NRG3: variants seen among roughly 807,000 people sequenced by gnomAD.
NRG3 encodes pro-neuregulin-3, membrane-bound isoform.
In NRG3, 31 loss-of-function variants were observed where a neutral mutation model predicts 66.9. The ratio of observed to expected loss-of-function variants is 0.46; its 90% confidence interval spans 0.35 to 0.63. The LOEUF is 0.63. NRG3 is among the 20% of genes least tolerant of loss of function. The probability of loss-of-function intolerance (pLI) is 0.00; values close to 1 mark genes in which losing one functional copy is unlikely to be tolerated. For synonymous variants in NRG3, 393 were observed against 359.4 expected (o/e 1.09, Z -1.06); for missense variants, 910 against 878.9 (o/e 1.04, Z -0.45).
chr10:81,924,004 G>A (rs1846522122), intron 1 of NRG3, among the ~76,000 whole-genome samples: 1 of 152,176 alleles, frequency 6.6e-6, no homozygotes, highest in African/African-American at 2.4e-5. Context: ...AATGTTTGTA[G>A]GATGAATGCT....
chr10:81,899,712 G>A (rs1843849594), intron 1 of NRG3, among the ~76,000 whole-genome samples: 1 of 152,180 alleles, frequency 6.6e-6, no homozygotes. Flanking sequence ...TGAAGGGCCT[G>A]GCCCCTGTTG....
intron 1 of NRG3, among the ~76,000 whole-genome samples, chr10:81,907,560 C>T (rs902044212): frequency 6.6e-6 from 1 of 152,064 alleles, no homozygotes. Flanking sequence ...ATGACACTGA[C>T]TTGGTAAAAG....
chr10:82,296,261 G>A (rs7921512), intron 1 of NRG3, among the ~76,000 whole-genome samples: 72,318 of 151,960 alleles, frequency 0.48, 20,771 homozygotes, highest in African/African-American at 0.81. Context: ...GTTTAAACTC[G>A]TCCCAAAGGC....
chr10:82,067,165 A>G (rs887367322), intron 1 of NRG3, among the ~76,000 whole-genome samples: 4 of 152,192 alleles, frequency 2.6e-5, no homozygotes, highest in Non-Finnish European at 5.9e-5. Flanking sequence ...GTCAAACCCA[A>G]TTGACAAAAA....
chr10:82,518,005 CACAT>C (rs1565017147), intron 2 of NRG3, among the ~76,000 whole-genome samples: 1 of 152,094 alleles, frequency 6.6e-6, no homozygotes. Flanking sequence ...TTTGGGGAAA[CACAT>C]TGGCCAGTGG....
intron 1 of NRG3, among the ~76,000 whole-genome samples, chr10:82,291,396 A>G (rs1351860972): frequency 6.6e-6 from 1 of 152,224 alleles, no homozygotes; most frequent in Non-Finnish European, 1.5e-5. Context: ...GAAGTCTCAC[A>G]TAGTAAAGAT....
rs1589410795 is a variant in NRG3 at position 82,232,766 on chromosome 10, T to G, written c.824-125973T>G. ...GGTCCTAGAGACAGGAGGCATGCCA[T>G]ACATGGCAACATGGGGAAGACCAGA... On this transcript the variant is annotated intron_variant, in intron 1 of 8. Coordinates refer to ENST00000372141, the MANE Select transcript of NRG3 (RefSeq NM_001010848.4). 7.0e-6 allele frequency: 5 copies of G among 717,264 alleles called. No individual in the cohort carries two copies. In the East Asian group the frequency reaches 1.3e-4, roughly 19 times the overall value. The allele number at this position is 717,264 out of a possible 1,614,324, so 44.4% of individuals were successfully genotyped here.
At chr10:81,997,707 C>T (rs1372893627) in intron 1 of NRG3, among the ~76,000 whole-genome samples, 4 of 151,866 alleles carry the variant, frequency 2.6e-5, no homozygotes, top group Non-Finnish European at 5.9e-5. Flanking sequence ...AGTGCTTGGA[C>T]CATAATCAAT....
intron 4 of NRG3, among the ~76,000 whole-genome samples, chr10:82,870,714 G>T (rs999490350): frequency 1.7e-4 from 26 of 152,040 alleles, no homozygotes; most frequent in African/African-American, 5.8e-4. Flanking sequence ...ATGCTTATTT[G>T]CCATCTGCAT....
chr10:81,908,583 G>A (rs1285029261), intron 1 of NRG3, among the ~76,000 whole-genome samples: 1 of 152,162 alleles, frequency 6.6e-6, no homozygotes, highest in African/African-American at 2.4e-5. Flanking sequence ...GGTTTCCCCA[G>A]CCATATGATT....
At chr10:82,438,543 C>G (rs578202749) in intron 2 of NRG3, among the ~76,000 whole-genome samples, 163 of 152,348 alleles carry the variant, frequency 1.1e-3, no homozygotes, top group Non-Finnish European at 2.1e-3. Context: ...AGACAACAGG[C>G]AGCTGCAGTT....
chr10:81,905,094 T>C (rs573809386), intron 1 of NRG3, among the ~76,000 whole-genome samples: 15 of 152,338 alleles, frequency 9.8e-5, no homozygotes, highest in African/African-American at 3.6e-4. Context: ...AGCATCATGC[T>C]CTGCTATCTA....
intron 1 of NRG3, among the ~76,000 whole-genome samples, chr10:82,003,418 C>T (rs892260333): frequency 6.6e-6 from 1 of 152,072 alleles, no homozygotes; most frequent in African/African-American, 2.4e-5. Flanking sequence ...GGATAGAATA[C>T]AGATTAGGAA....
intron 1 of NRG3, among the ~76,000 whole-genome samples, chr10:82,226,193 G>A (rs181082012): frequency 6.6e-6 from 1 of 152,192 alleles, no homozygotes; most frequent in East Asian, 1.9e-4. Context: ...TTACTCCTGG[G>A]ATACTAAATG....
At chr10:82,961,318 A>G (rs1850619073) in intron 6 of NRG3, among the ~76,000 whole-genome samples, 1 of 152,210 alleles carries the variant, frequency 6.6e-6, no homozygotes, top group African/African-American at 2.4e-5. Context: ...TGATGATATA[A>G]CCCAAAATGT....
At chr10:82,809,496 C>G (rs1248394606) in intron 3 of NRG3, among the ~76,000 whole-genome samples, 1 of 152,066 alleles carries the variant, frequency 6.6e-6, no homozygotes, top group Non-Finnish European at 1.5e-5. Flanking sequence ...TGTAAATTAT[C>G]TTCCTTAGCA....
intron 2 of NRG3, among the ~76,000 whole-genome samples, chr10:82,498,169 A>G (rs139349687): frequency 6.6e-6 from 1 of 151,252 alleles, no homozygotes; most frequent in Non-Finnish European, 1.5e-5. Flanking sequence ...TGGTTTGCAT[A>G]TATATTCTCT....
At chr10:82,278,913 C>A (rs1204334219) in intron 1 of NRG3, among the ~76,000 whole-genome samples, 1 of 152,128 alleles carries the variant, frequency 6.6e-6, no homozygotes, top group Non-Finnish European at 1.5e-5. Context: ...CCAGGCTTAT[C>A]GCCCAGGTGA....
At chr10:82,817,096 T>C (rs2061742904) in intron 3 of NRG3, among the ~76,000 whole-genome samples, 1 of 152,200 alleles carries the variant, frequency 6.6e-6, no homozygotes, top group Non-Finnish European at 1.5e-5. Flanking sequence ...GCTGAAAAGA[T>C]TTCCCCAGTT....
Sources: gnomAD v4.1 joint callset for allele counts (sites outside exome capture counted in the v4.1 genomes callset) on GRCh38, gnomAD v4.1.1 for gene constraint, MANE v1.5 for transcripts, NCBI Gene and HGNC (gene_info 2026-07-23, HGNC 2026-07-21) for gene names.